The following EPHA2 variants were observed in gnomAD, a reference collection of about 807,000 sequenced individuals.
The protein encoded by EPHA2 is EPH receptor A2, also known as ephrin type-A receptor 2.
Under a neutral mutation model 104.9 loss-of-function variants are expected in EPHA2, and 54 were observed. The ratio of observed to expected loss-of-function variants is 0.51; its 90% CI spans 0.41 to 0.65. EPHA2 has a LOEUF of 0.65. Among genes scored for constraint, EPHA2 ranks in the 30% least tolerant of loss-of-function variants. The pLI, the probability that EPHA2 is intolerant of heterozygous loss-of-function variation, is 0.00. For missense variants in EPHA2, 1,117 were observed against 1,369.5 expected (o/e 0.82, Z 2.91); for synonymous variants, 560 against 559.1 (o/e 1.00, Z -0.02).
intron 16 of EPHA2, among the ~76,000 whole-genome samples, chr1:16,127,286 T>C (rs2024488276): frequency 6.6e-6 from 1 of 152,186 alleles, no homozygotes; most frequent in Admixed American, 6.5e-5. Flanking sequence ...CCACACAGGA[T>C]GCAAATGCTG....
In EPHA2 at chr1:16,131,634, T is replaced by C; in HGVS notation, c.2475+87A>G. 6.4e-7 allele frequency: 1 copy of C among 1,569,044 alleles called. No homozygotes were observed. Among genetic ancestry groups the C allele is most frequent in the Non-Finnish European group, 8.7e-7 (1 of 1,144,234 alleles). ...CAAGCCTAAGAAGGTTCATCTAAAC[T>C]GTCCTCTGCCCAGCCCCTGCAGTTT... On this transcript the variant is annotated intron_variant, in intron 14 of 16. Transcript: ENST00000358432. The surrounding 1 kb of genome is among the most constrained non-coding windows in gnomAD (Gnocchi z 5.2).
At chr1:16,129,346 G>C in intron 16 of EPHA2, 88 bp downstream of exon 16, 1 of 1,468,104 alleles carries the variant, frequency 6.8e-7, no homozygotes, top group South Asian at 1.2e-5. Flanking sequence ...AGCATTGAGG[G>C]GCAGGGAAGA....
chr1:16,147,574 C>A (rs139936122), intron 3 of EPHA2, among the ~76,000 whole-genome samples: 165 of 152,000 alleles, frequency 1.1e-3, no homozygotes, highest in African/African-American at 4.0e-3. Context: ...TGTACCAGAG[C>A]TACTCAGTAT....
intron 3 of EPHA2, among the ~76,000 whole-genome samples, chr1:16,143,177 T>TGGATGGATGGAC (rs1400353792): frequency 2.1e-5 from 3 of 144,162 alleles, no homozygotes; most frequent in African/African-American, 7.8e-5. Context: ...GATGGATGGA[T>TGGATGGATGGAC]GGATGGATGG....
Position 16,148,781 on chromosome 1 carries a change from G to T in EPHA2, c.420C>A (p.Thr140=). The T allele has an allele frequency of 6.2e-7, 1 of 1,614,146 alleles. No homozygotes were observed. The highest frequency in any genetic ancestry group is 8.5e-7 in the Non-Finnish European group (1 of 1,180,048). Residue 140 remains threonine, a synonymous_variant, in exon 3 of 17, where the codon ACC becomes ACA. Coordinates refer to ENST00000358432, the MANE Select transcript of EPHA2 (RefSeq NM_004431.5). The surrounding 1 kb of genome is among the most constrained non-coding windows in gnomAD (Gnocchi z 4.9). ...YGTNFQKRLF[T]KIDTIAPDEI... ...CATCGGGCGCAATGGTGTCAATCTT[G>T]GTGAACAGGCGCTTCTGGAAGTTGG...
At chr1:16,149,125 G>T (rs2024991101) in intron 2 of EPHA2, 78 bp from the exon 3 acceptor site, 2 of 1,493,134 alleles carry the variant, frequency 1.3e-6, no homozygotes, top group South Asian at 2.3e-5. Context: ...AGGGCACTAG[G>T]AAGATGCTTT....
chr1:16,137,834 T>C lies in EPHA2; in HGVS notation c.1312+19A>G. 6.2e-7 allele frequency: 1 copy of C among 1,613,268 alleles called. No homozygotes were observed. The highest frequency in any genetic ancestry group is 1.1e-5 in the South Asian group (1 of 91,072). On this transcript the variant is annotated intron_variant, in intron 5 of 16. Coordinates refer to ENST00000358432, the MANE Select transcript of EPHA2 (RefSeq NM_004431.5). ...CTGGGCAGGCCCCATAGGGCACAGC[T>C]GCCACCCCTGGACCTCACCTGTCTG...
At chr1:16,141,535 T>A (rs2024824525) in intron 3 of EPHA2, among the ~76,000 whole-genome samples, 1 of 152,236 alleles carries the variant, frequency 6.6e-6, no homozygotes, top group Non-Finnish European at 1.5e-5. Context: ...TCAGTGCTGG[T>A]TCAGGTGGTC....
At chr1:16,153,751 G>A (rs2025091532) in intron 1 of EPHA2, among the ~76,000 whole-genome samples, 1 of 152,154 alleles carries the variant, frequency 6.6e-6, no homozygotes, top group Non-Finnish European at 1.5e-5. Flanking sequence ...CTAGGGGTGA[G>A]GGGGCAAGAA....
intron 3 of EPHA2, among the ~76,000 whole-genome samples, chr1:16,140,484 C>G (rs1281765123): frequency 1.3e-5 from 2 of 152,188 alleles, no homozygotes; most frequent in Admixed American, 1.3e-4. Context: ...GCACTATTAG[C>G]GCTGGTTCCA....
At chr1:16,141,417 C>T (rs1462617732) in intron 3 of EPHA2, among the ~76,000 whole-genome samples, 1 of 152,264 alleles carries the variant, frequency 6.6e-6, no homozygotes, top group Non-Finnish European at 1.5e-5. Flanking sequence ...CTCTCTCCTC[C>T]ACCAGATCTG....
chr1:16,148,688 C>G lies in EPHA2; in HGVS notation c.513G>C (p.Gly171=). 6.2e-7 allele frequency: 1 copy of G among 1,611,756 alleles called. No homozygotes were observed. The highest frequency in any genetic ancestry group is 8.5e-7 in the Non-Finnish European group (1 of 1,180,032). The part of the protein sequence containing the change: ...VKLNVEERSV[G]PLTRKGFYLA... ...GGTAGAAGCCTTTGCGGGTGAGCGG[C>G]CCCACGGAGCGCTCCTCCACGTTCA... The change falls in exon 3 of 17, where the codon GGG becomes GGC. Residue 171 remains glycine (G), a synonymous_variant. Coordinates refer to ENST00000358432, the MANE Select transcript of EPHA2 (RefSeq NM_004431.5). This position sits in a 1 kb window ranked among gnomAD's most constrained non-coding sequence, Gnocchi z 4.9.
At chr1:16,137,379 G>A (rs911383036) in intron 5 of EPHA2, among the ~76,000 whole-genome samples, 2 of 151,556 alleles carry the variant, frequency 1.3e-5, no homozygotes, top group African/African-American at 4.9e-5. Flanking sequence ...CGGGCGGATC[G>A]CAAGGTCAGG....
At position 16,132,384 on chromosome 1, in the gene EPHA2, G is replaced by A. The variant is rs1429178032; in HGVS notation, c.2109C>T (p.Phe703=). ...CTACAACCCACATCCTTACCCGAAG[G>A]AACTTGTCCAGGGCCCCATTCTCCA... is the stretch of plus-strand genomic sequence containing the variant. The part of the protein sequence containing the change: ...EYMENGALDK[F]LREKDGEFSV... The change falls in exon 12 of 17, where the codon TTC becomes TTT. Residue 703 remains phenylalanine, a synonymous_variant. Coordinates refer to ENST00000358432, the MANE Select transcript of EPHA2 (RefSeq NM_004431.5). The A allele has an allele frequency of 6.2e-7, 1 of 1,614,132 alleles. No individual in the cohort carries two copies. Among genetic ancestry groups the A allele is most frequent in the African/African-American group, 1.3e-5 (1 of 75,046 alleles).
At chr1:16,141,764 GGCCTGCCT>G (rs1259035756) in intron 3 of EPHA2, among the ~76,000 whole-genome samples, 7 of 152,266 alleles carry the variant, frequency 4.6e-5, no homozygotes, top group Non-Finnish European at 5.9e-5. Context: ...GCCCGGGGGT[GGCCTGCCT>G]GCCTGCTGCC....
chr1:16,155,381 G>A (rs2025136171), intron 1 of EPHA2: 1 of 152,712 alleles, frequency 6.5e-6, no homozygotes, highest in Admixed American at 6.5e-5. Context: ...GCTTCGACAG[G>A]GGGCTCCCGC....
rs1203256561 is a variant in EPHA2, at chr1:16,131,583, A to G, written c.2475+138T>C. 1.7e-5 allele frequency: 19 copies of G among 1,140,898 alleles called. No homozygotes were observed. The highest frequency in any genetic ancestry group is 3.5e-5 in the South Asian group (2 of 57,128). 70.7% of individuals were successfully genotyped at this position (1,140,898 alleles called of 1,614,324 possible). A position where few individuals can be genotyped will look rare whatever the true frequency, so the allele number is the denominator to read the frequency against. ...CAACAAGAGCAAAACTCCGTCTCCA[A>G]AAAAAAAAAATAAACATTTATGGAG... On this transcript the variant is annotated intron_variant, in intron 14 of 16. Coordinates refer to ENST00000358432, the MANE Select transcript of EPHA2 (RefSeq NM_004431.5). This position sits in a 1 kb window ranked among gnomAD's most constrained non-coding sequence, Gnocchi z 5.2.
At chr1:16,133,643 G>A (rs1487672860) in intron 9 of EPHA2, 37 bp from the exon 10 acceptor site, 2 of 1,612,902 alleles carry the variant, frequency 1.2e-6, no homozygotes, top group South Asian at 1.1e-5. Context: ...GGCAGCTCAG[G>A]AGGGGCCCCA....
At position 16,133,028 on chromosome 1, in the gene EPHA2, G is replaced by A. The variant is rs926446961; in HGVS notation, c.2053+152C>T. On this transcript the variant is annotated intron_variant, in intron 11 of 16. Coordinates refer to ENST00000358432, the MANE Select transcript of EPHA2 (RefSeq NM_004431.5). The stretch of plus-strand genomic sequence containing the variant: ...CACAGGTGTTAGGAGGTGGGTACAG[G>A]TATTGGGGAGAAGTGGGCACAGTTG... 50 of 1,059,766 alleles carry A rather than the reference G, an allele frequency of 4.7e-5. No individual in the cohort carries two copies. In the East Asian group the frequency reaches 1.2e-3, roughly 26 times the overall value. The allele number at this position is 1,059,766 out of a possible 1,614,324, so 65.6% of individuals were successfully genotyped here.
Sources: gnomAD v4.1 joint callset for allele counts (sites outside exome capture counted in the v4.1 genomes callset) on GRCh38, gnomAD v4.1.1 for gene constraint, Gnocchi (gnomAD v3.1) non-coding constraint, MANE v1.5 for transcripts, NCBI Gene and HGNC (gene_info 2026-07-23, HGNC 2026-07-21) for gene names.